INTS2: variants seen among roughly 807,000 people sequenced by gnomAD.
INTS2 encodes the protein KIAA1287.
In INTS2, 57 loss-of-function variants were observed where a neutral mutation model predicts 139.6. That is an observed-to-expected ratio of 0.41 (90% CI 0.33 to 0.51). The LOEUF (loss-of-function observed/expected upper bound fraction) is 0.51. Among genes scored for constraint, INTS2 ranks in the 20% least tolerant of loss-of-function variants. The pLI is 0.28. For missense variants in INTS2, 1,196 were observed against 1,436.7 expected, an observed-to-expected ratio of 0.83 and a Z score of 2.71; for synonymous variants, 473 against 493.4, an observed-to-expected ratio of 0.96 and a Z score of 0.55.
rs569362222 is a variant in INTS2, at chr17:61,904,682, A to G, written c.1182-97T>C. The G allele has an allele frequency of 9.9e-6, 10 of 1,006,856 alleles. No homozygotes were observed. In the African/African-American group the frequency reaches 1.5e-4, roughly 15 times the overall value. The allele number at this position is 1,006,856 out of a possible 1,614,324, so 62.4% of individuals were successfully genotyped here. A position where few individuals can be genotyped will look rare whatever the true frequency, so the allele number is the denominator to read the frequency against. ...TTTAGTTACAAATTTTAAACTTTAT[A>G]ATGGTATCTTGCTATTTATAAAATC... is the stretch of plus-strand genomic sequence containing the variant. On this transcript the variant is annotated intron_variant, in intron 8 of 24. Coordinates refer to ENST00000251334, the MANE Select transcript of INTS2 (RefSeq NM_001351695.2).
At chr17:61,903,101 C>CT (rs1171849852) in intron 9 of INTS2, among the ~76,000 whole-genome samples, 1 of 139,546 alleles carries the variant, frequency 7.2e-6, no homozygotes, top group African/African-American at 2.7e-5. Flanking sequence ...GGAGGTGGAG[C>CT]TTGCAGTGAG....
intron 11 of INTS2, among the ~76,000 whole-genome samples, chr17:61,896,018 G>T (rs1423172807): frequency 6.6e-6 from 1 of 151,926 alleles, no homozygotes; most frequent in Non-Finnish European, 1.5e-5. Flanking sequence ...GAGGAGGGCA[G>T]ATCACAAGGT....
At position 61,919,508 on chromosome 17, in the gene INTS2, G is replaced by A. The variant is rs1458509347; in HGVS notation, c.541C>T (p.Pro181Ser). 6.4e-7 allele frequency: 1 copy of A among 1,556,410 alleles called. No homozygotes were observed. The highest frequency in any genetic ancestry group is 1.8e-5 in the Admixed American group (1 of 55,412). The change falls in exon 5 of 25, where the codon CCT (proline) becomes TCT (serine). Residue 181 changes from proline (P) to serine (S), a missense_variant. By Grantham distance (74) the Pro-to-Ser change is moderately conservative. This residue lies in a region of INTS2 where 1,129 missense variants were observed against 1,341.9 expected (regional missense o/e 0.84). Transcript: ENST00000251334. ...ACATCAACTATAGGGAGCAAGGAAG[G>A]GAGCTCTACAAGAAAACAAAGTCAG... ...DVLCILQAELPSLLPIVDVAE... is the reference protein window; with the variant it reads ...DVLCILQAELSSLLPIVDVAE...
At chr17:61,885,846 A>C (rs1383171755) in intron 15 of INTS2, among the ~76,000 whole-genome samples, 1 of 148,238 alleles carries the variant, frequency 6.7e-6, no homozygotes, top group African/African-American at 2.5e-5. Flanking sequence ...CTCCTGCCTC[A>C]GCCTCCTGAG....
intron 6 of INTS2, 88 bp downstream of exon 6, chr17:61,911,852 C>T (rs2079529916): frequency 6.8e-7 from 1 of 1,472,742 alleles, no homozygotes. Flanking sequence ...TAAAATTCCC[C>T]ACCTCTACAG....
Position 61,867,612 on chromosome 17 carries a change from T to C in INTS2, c.3536A>G (p.His1179Arg), listed in dbSNP as rs1462939028. 1 of 1,611,448 alleles carries C rather than the reference T, an allele frequency of 6.2e-7. No individual in the cohort carries two copies. The highest frequency in any genetic ancestry group is 1.7e-5 in the Admixed American group (1 of 59,902). ...TTCAATTACTGTTCTTTCAATACAG[T>C]GACAGAGCTGTACATCAGGATCCAT... ...GSMDPDVQLC[H>R]CIERTVIEII... The change falls in exon 25 of 25, where the codon CAC becomes CGC. Residue 1179 changes from histidine (H) to arginine (R), a missense_variant. His to Arg is a conservative substitution (Grantham distance 29). This residue lies in a region of INTS2 where 1,129 missense variants were observed against 1,341.9 expected (regional missense o/e 0.84). Transcript: ENST00000251334. The surrounding 1 kb of genome is among the most constrained non-coding windows in gnomAD (Gnocchi z 5.6).
At chr17:61,894,632 A>T (rs182695135) in intron 12 of INTS2, among the ~76,000 whole-genome samples, 23 of 152,210 alleles carry the variant, frequency 1.5e-4, no homozygotes, top group African/African-American at 5.1e-4. Flanking sequence ...TGGGTGGATC[A>T]CCTGAGGTCA....
intron 9 of INTS2, among the ~76,000 whole-genome samples, chr17:61,903,007 A>G (rs1217870674): frequency 1.3e-4 from 20 of 151,432 alleles, no homozygotes; most frequent in Middle Eastern, 6.9e-3. Flanking sequence ...TCTACTAAAA[A>G]TACAAAAATT....
At chr17:61,922,864 G>A (rs1164566318) in intron 3 of INTS2, among the ~76,000 whole-genome samples, 1 of 151,794 alleles carries the variant, frequency 6.6e-6, no homozygotes, top group Non-Finnish European at 1.5e-5. Context: ...GATCACCTGA[G>A]GTCAGGAGTT....
chr17:61,896,026 G>C (rs1462857165), intron 11 of INTS2, among the ~76,000 whole-genome samples: 2 of 151,780 alleles, frequency 1.3e-5, no homozygotes, highest in African/African-American at 4.8e-5. Flanking sequence ...CAGATCACAA[G>C]GTCAGGAGAT....
chr17:61,896,542 G>A (rs1434403327), intron 11 of INTS2, among the ~76,000 whole-genome samples: 1 of 151,948 alleles, frequency 6.6e-6, no homozygotes, highest in Non-Finnish European at 1.5e-5. Context: ...AGATGTATAA[G>A]GCATAATGAC....
At chr17:61,894,358 G>T (rs1028624325) in intron 12 of INTS2, among the ~76,000 whole-genome samples, 1 of 152,126 alleles carries the variant, frequency 6.6e-6, no homozygotes. Context: ...TTCTCAATAT[G>T]TCATGCATAG....
At chr17:61,927,618 G>A (rs1186213451) in intron 1 of INTS2, 36 bp downstream of exon 1, 3 of 1,306,884 alleles carry the variant, frequency 2.3e-6, no homozygotes, top group African/African-American at 3.0e-5. Context: ...ACGGACCTAG[G>A]AACGCGCTGA....
intron 11 of INTS2, among the ~76,000 whole-genome samples, chr17:61,895,867 G>C (rs2079342506): frequency 6.6e-6 from 1 of 151,856 alleles, no homozygotes; most frequent in Admixed American, 6.6e-5. Flanking sequence ...AAAAAAACTA[G>C]AAGAAAATAT....
intron 16 of INTS2, among the ~76,000 whole-genome samples, chr17:61,883,939 T>C (rs868075767): frequency 6.6e-5 from 10 of 151,788 alleles, no homozygotes; most frequent in South Asian, 2.1e-4. Flanking sequence ...GCCCAGGAGT[T>C]TGAGGCTGCA....
chr17:61,892,886 G>A (rs548132911), intron 13 of INTS2, among the ~76,000 whole-genome samples: 240 of 150,340 alleles, frequency 1.6e-3, no homozygotes, highest in Non-Finnish European at 2.2e-3. Flanking sequence ...CCCAGGAGGC[G>A]GAGGTTGCAG....
At chr17:61,898,689 C>T (rs1247047968) in intron 9 of INTS2, among the ~76,000 whole-genome samples, 1 of 152,232 alleles carries the variant, frequency 6.6e-6, no homozygotes, top group African/African-American at 2.4e-5. Flanking sequence ...TCTCAGCTCA[C>T]TGCAACCTCC....
chr17:61,868,837 A>G lies in INTS2; in HGVS notation c.3244+197T>C, dbSNP rs547177596. 6.6e-6 allele frequency among the ~76,000 whole-genome samples: 1 copy of G among 152,298 alleles called. No homozygotes were observed. The highest frequency in any genetic ancestry group is 2.1e-4 in the South Asian group (1 of 4,826). The stretch of plus-strand genomic sequence containing the variant: ...TTGCCTACCTATTCATTCCCACTAC[A>G]CTATAAATCACATTTGTAAACAGAA... On this transcript the variant is annotated intron_variant, in intron 23 of 24. Coordinates refer to ENST00000251334, the MANE Select transcript of INTS2 (RefSeq NM_001351695.2). This position sits in a 1 kb window ranked among gnomAD's most constrained non-coding sequence, Gnocchi z 4.7.
rs940126605 is a variant in INTS2, at chr17:61,897,059, G to T, written c.1494+410C>A. Among the ~76,000 whole-genome samples, 2 of 151,992 alleles carry T rather than the reference G, an allele frequency of 1.3e-5. No homozygotes were observed. Among genetic ancestry groups the T allele is most frequent in the Non-Finnish European group, 2.9e-5 (2 of 67,962 alleles). ...GAAATAATAAGGGACCTATTAAGAAGATCAAACAATGGACTATAAGACAAT... is the reference window on the plus strand; with the variant it reads ...GAAATAATAAGGGACCTATTAAGAATATCAAACAATGGACTATAAGACAAT... On this transcript the variant is annotated intron_variant, in intron 11 of 24. Coordinates refer to ENST00000251334, the MANE Select transcript of INTS2 (RefSeq NM_001351695.2). This position sits in a 1 kb window ranked among gnomAD's most constrained non-coding sequence, Gnocchi z 4.4.
Sources: allele counts gnomAD v4.1 joint callset (sites outside exome capture counted in the v4.1 genomes callset), GRCh38; gene constraint gnomAD v4.1.1; regional missense constraint gnomAD v4.1.1; non-coding constraint Gnocchi (gnomAD v3.1); transcripts MANE v1.5; gene names NCBI Gene and HGNC (gene_info 2026-07-23, HGNC 2026-07-21).